HDAC9: variants seen among roughly 807,000 people sequenced by gnomAD.
The protein encoded by HDAC9 is MEF-2 interacting transcription repressor (MITR) protein.
In HDAC9, 41 loss-of-function variants were observed where a neutral mutation model predicts 139.4. The observed-to-expected ratio is 0.29, with a 90% CI of 0.23 to 0.38. The LOEUF (loss-of-function observed/expected upper bound fraction) is 0.38. Among genes scored for constraint, HDAC9 ranks in the 10% least tolerant of loss-of-function variants. The probability of loss-of-function intolerance (pLI) is 1.00; values close to 1 mark genes in which losing one functional copy is unlikely to be tolerated. For missense variants in HDAC9, 1,147 were observed against 1,297.0 expected (o/e 0.88, Z 1.78); for synonymous variants, 517 against 476.2 (o/e 1.09, Z -1.12).
chr7:18,668,635 T>G (rs1263571670), intron 12 of HDAC9: 3 of 983,688 alleles, frequency 3.0e-6, no homozygotes, highest in African/African-American at 3.5e-5. Context: ...ATCAAGAAAC[T>G]ACCTGGAACC....
In HDAC9 at chr7:18,157,809, G is replaced by GAGAGAGAGAA. The variant is rs1434142360; in HGVS notation, c.-96-4411_-96-4410insAAGAGAGAGA. Reference sequence around the variant, plus strand: ...GAATTTCAGGTTCTAAGGCATGAGAGAGAGAGAGAGAGAGAGAGAGAGAGA... The same window carrying GAGAGAGAGAA: ...GAATTTCAGGTTCTAAGGCATGAGAGAGAGAGAGAAAGAGAGAGAGAGAGAGAGAGAGAGA... On this transcript the variant is annotated intron_variant, in intron 1 of 12. Transcript: ENST00000417496. Among the ~76,000 whole-genome samples, 89 of 61,420 alleles carry GAGAGAGAGAA rather than the reference G, an allele frequency of 1.4e-3. 2 individuals carry two copies. The highest frequency in any genetic ancestry group is 5.7e-3 in the African/African-American group (87 of 15,192). 40.3% of individuals were successfully genotyped at this position (61,420 alleles called of 152,430 possible).
chr7:18,823,740 G>T (rs1795161918), intron 17 of HDAC9, among the ~76,000 whole-genome samples: 1 of 152,018 alleles, frequency 6.6e-6, no homozygotes, highest in African/African-American at 2.4e-5. Context: ...AGCAATTTGG[G>T]AGGCTAAGGC....
intron 21 of HDAC9, among the ~76,000 whole-genome samples, chr7:18,867,159 A>T: frequency 6.6e-6 from 1 of 152,170 alleles, no homozygotes. Flanking sequence ...ACATGCAGGG[A>T]AGAAGGAAGA....
At chr7:18,466,726 C>T (rs955345899) in intron 1 of HDAC9, among the ~76,000 whole-genome samples, 13 of 152,234 alleles carry the variant, frequency 8.5e-5, no homozygotes, top group African/African-American at 2.9e-4. Flanking sequence ...TCTTAATTCC[C>T]TTTTGCCATG....
At chr7:18,893,093 A>T (rs1346791206) in intron 22 of HDAC9, among the ~76,000 whole-genome samples, 1 of 151,312 alleles carries the variant, frequency 6.6e-6, no homozygotes, top group African/African-American at 2.4e-5. Context: ...TCATTACAGC[A>T]GTGAGAAGAA....
intron 15 of HDAC9, among the ~76,000 whole-genome samples, chr7:18,763,409 G>T (rs952784180): frequency 6.6e-6 from 1 of 152,176 alleles, no homozygotes; most frequent in African/African-American, 2.4e-5. Flanking sequence ...GGAGAAGTAA[G>T]ACCAGAGGGG....
At chr7:18,415,210 A>G (rs1291448385) in intron 1 of HDAC9, among the ~76,000 whole-genome samples, 1 of 152,196 alleles carries the variant, frequency 6.6e-6, no homozygotes, top group Non-Finnish European at 1.5e-5. Flanking sequence ...CGATGCTGAT[A>G]GACTGTGATG....
At chr7:18,387,463 C>T (rs1248575786) in intron 1 of HDAC9, among the ~76,000 whole-genome samples, 1 of 152,178 alleles carries the variant, frequency 6.6e-6, no homozygotes, top group East Asian at 1.9e-4. Flanking sequence ...CAGTCAGAAG[C>T]TTGCAAAGAA....
chr7:18,577,979 C>T (rs1826531995), intron 2 of HDAC9, among the ~76,000 whole-genome samples: 1 of 152,126 alleles, frequency 6.6e-6, no homozygotes, highest in Admixed American at 6.5e-5. Context: ...CCCCAAAACA[C>T]ACACATCCTC....
At position 18,108,587 on chromosome 7, in the gene HDAC9, T is replaced by C. The variant is rs552712333; in HGVS notation, c.-97+21374T>C. ...GTATTCCTGAACATACTTTAAAATG[T>C]TGAGAGCATTTTACACTCATCTCCT... On this transcript the variant is annotated intron_variant, in intron 1 of 12. Transcript: ENST00000417496. 2.6e-5 allele frequency among the ~76,000 whole-genome samples: 4 copies of C among 151,790 alleles called. No individual in the cohort carries two copies. In the South Asian group the frequency reaches 8.3e-4, roughly 32 times the overall value.
At chr7:18,138,387 C>G (rs556013955) in intron 1 of HDAC9, among the ~76,000 whole-genome samples, 26 of 151,996 alleles carry the variant, frequency 1.7e-4, no homozygotes, top group African/African-American at 6.0e-4. Flanking sequence ...AGAATGAGAT[C>G]TAGATTGCAA....
chr7:18,162,086 C>A, intron 1 of HDAC9: 1 of 506,528 alleles, frequency 2.0e-6, no homozygotes, highest in Non-Finnish European at 3.5e-6. Flanking sequence ...GACTTAGAGA[C>A]CTGTAAGGTT....
intron 2 of HDAC9, among the ~76,000 whole-genome samples, chr7:18,580,612 G>T (rs979414494): frequency 2.0e-5 from 3 of 152,150 alleles, no homozygotes; most frequent in African/African-American, 7.2e-5. Flanking sequence ...TACAACTAAT[G>T]TGAATACTAA....
intron 13 of HDAC9, among the ~76,000 whole-genome samples, chr7:18,728,927 C>T (rs974446872): frequency 7.9e-5 from 12 of 152,250 alleles, no homozygotes; most frequent in Admixed American, 7.8e-4. Context: ...TGAGCTGGGT[C>T]TATTTCTTTC....
At chr7:18,109,603 CT>C (rs142992222) in intron 1 of HDAC9, among the ~76,000 whole-genome samples, 179 of 147,478 alleles carry the variant, frequency 1.2e-3, no homozygotes, top group South Asian at 5.2e-3. Flanking sequence ...ATAAATAAAC[CT>C]TTTTTTTTTT....
chr7:18,334,787 G>C (rs868827390), intron 1 of HDAC9, among the ~76,000 whole-genome samples: 1 of 151,482 alleles, frequency 6.6e-6, no homozygotes, highest in Non-Finnish European at 1.5e-5. Flanking sequence ...GTTCAGGTTC[G>C]ATGTCTATAA....
chr7:18,877,677 G>C (rs1437602130), intron 22 of HDAC9, among the ~76,000 whole-genome samples: 2 of 151,872 alleles, frequency 1.3e-5, no homozygotes, highest in Non-Finnish European at 2.9e-5. Context: ...AAATAACTAG[G>C]GTTTTTGTTT....
intron 16 of HDAC9, among the ~76,000 whole-genome samples, chr7:18,788,291 C>A (rs10266741): frequency 6.6e-5 from 10 of 152,046 alleles, no homozygotes; most frequent in Admixed American, 3.3e-4. Flanking sequence ...CAGGCTCTCC[C>A]ATATCATACC....
chr7:18,684,347 C>A lies in HDAC9; in HGVS notation c.1731+17871C>A, dbSNP rs542410118. On this transcript the variant is annotated intron_variant, in intron 12 of 25. Transcript: ENST00000686413. ...AACAAAAACTTTCTTTTCATCAAAA[C>A]TATCCTGTTAGGCCAGGTGCAGTGG... Among the ~76,000 whole-genome samples, 9 of 151,642 alleles carry A rather than the reference C, an allele frequency of 5.9e-5. No homozygotes were observed. The East Asian group carries it at 1.8e-3, about 30-fold the overall frequency.
Sources: allele counts gnomAD v4.1 joint callset (sites outside exome capture counted in the v4.1 genomes callset), GRCh38; gene constraint gnomAD v4.1.1; transcripts MANE v1.5; gene names NCBI Gene and HGNC (gene_info 2026-07-23, HGNC 2026-07-21).